The following OSBPL10 variants were observed in gnomAD, a reference collection of about 807,000 sequenced individuals.
OSBPL10 encodes the protein oxysterol-binding protein-related protein 10.
A neutral mutation model predicts 81.7 loss-of-function variants in OSBPL10; 49 were observed. The ratio of observed to expected loss-of-function variants is 0.60; its 90% CI spans 0.48 to 0.76. OSBPL10 has a LOEUF of 0.76. Among genes scored for constraint, OSBPL10 ranks in the 30% least tolerant of loss-of-function variants. The pLI, the probability that OSBPL10 is intolerant of heterozygous loss-of-function variation, is 0.00. For synonymous variants in OSBPL10, 419 were observed against 383.6 expected, an observed-to-expected ratio of 1.09 and a Z score of -1.08; for missense variants, 923 against 987.8, an observed-to-expected ratio of 0.93 and a Z score of 0.88.
chr3:31,760,055 C>A (rs1697988608), intron 4 of OSBPL10, among the ~76,000 whole-genome samples: 1 of 152,114 alleles, frequency 6.6e-6, no homozygotes, highest in African/African-American at 2.4e-5. Flanking sequence ...AGCCACCATG[C>A]CCGGCCAAGA....
intron 7 of OSBPL10, among the ~76,000 whole-genome samples, chr3:31,688,279 T>TCC (rs879415490): frequency 1.3e-5 from 1 of 77,780 alleles, no homozygotes; most frequent in Non-Finnish European, 3.3e-5. Flanking sequence ...TCTCTCTCTC[T>TCC]CTCTCACACA....
intron 2 of OSBPL10, among the ~76,000 whole-genome samples, chr3:32,004,418 C>T (rs1455374516): frequency 6.6e-6 from 1 of 152,222 alleles, no homozygotes; most frequent in East Asian, 1.9e-4. Context: ...TGTCACCTGA[C>T]TCCCTTGCCC....
intron 5 of OSBPL10, among the ~76,000 whole-genome samples, chr3:31,737,720 A>G (rs1697225456): frequency 6.6e-6 from 1 of 152,186 alleles, no homozygotes; most frequent in Non-Finnish European, 1.5e-5. Context: ...AGCTGGGTGC[A>G]GTGGCTCATT....
intron 1 of OSBPL10, among the ~76,000 whole-genome samples, chr3:31,956,631 G>A (rs1698015201): frequency 6.6e-6 from 1 of 152,140 alleles, no homozygotes; most frequent in East Asian, 1.9e-4. Context: ...AGGAGACTGA[G>A]GCAGGAGAAT....
At chr3:31,905,154 T>C (rs1696366188) in intron 1 of OSBPL10, among the ~76,000 whole-genome samples, 1 of 152,130 alleles carries the variant, frequency 6.6e-6, no homozygotes, top group African/African-American at 2.4e-5. Flanking sequence ...CCAATTACTC[T>C]GAACAAAATC....
At chr3:31,997,865 G>A (rs1167116888) in intron 2 of OSBPL10, among the ~76,000 whole-genome samples, 1 of 152,080 alleles carries the variant, frequency 6.6e-6, no homozygotes, top group Non-Finnish European at 1.5e-5. Flanking sequence ...CCAACTCATG[G>A]CAGCCTCGAC....
At chr3:31,799,409 GAAGA>G (rs1196247969) in intron 4 of OSBPL10, among the ~76,000 whole-genome samples, 10 of 115,384 alleles carry the variant, frequency 8.7e-5, no homozygotes, top group Non-Finnish European at 1.1e-4. Flanking sequence ...AAAAAAAATG[GAAGA>G]AAGAAAGAAC....
chr3:32,031,577 T>C (rs1487963899), intron 2 of OSBPL10, among the ~76,000 whole-genome samples: 1 of 152,102 alleles, frequency 6.6e-6, no homozygotes, highest in Non-Finnish European at 1.5e-5. Context: ...TTCTCCTGCC[T>C]CAGCCTCCCA....
chr3:32,031,041 G>C (rs1387583741), intron 2 of OSBPL10, among the ~76,000 whole-genome samples: 1 of 151,922 alleles, frequency 6.6e-6, no homozygotes, highest in Non-Finnish European at 1.5e-5. Flanking sequence ...TGTGGCAGGT[G>C]CCTGTAATCC....
intron 4 of OSBPL10, among the ~76,000 whole-genome samples, chr3:31,792,738 A>AGTGTGT (rs1491324366): frequency 9.5e-6 from 1 of 104,892 alleles, no homozygotes; most frequent in South Asian, 3.3e-4. Flanking sequence ...ATCCAGACAC[A>AGTGTGT]GAGTGTGTGT....
chr3:31,752,819 T>C (rs1359613792), intron 4 of OSBPL10, among the ~76,000 whole-genome samples: 2 of 152,202 alleles, frequency 1.3e-5, no homozygotes, highest in African/African-American at 4.8e-5. Flanking sequence ...CCAATCCTGA[T>C]GGGTCAGGTG....
Position 31,820,526 on chromosome 3 carries a change from C to T in OSBPL10, c.729+9514G>A, listed in dbSNP as rs544042050. Reference sequence around the variant, plus strand: ...AGAAGAATCGCTTAAATCCGGGAGGCGGAGGTTGCAGTGAGCCGAGATCAC... The same window carrying T: ...AGAAGAATCGCTTAAATCCGGGAGGTGGAGGTTGCAGTGAGCCGAGATCAC... On this transcript the variant is annotated intron_variant, in intron 4 of 11. Coordinates refer to ENST00000396556, the MANE Select transcript of OSBPL10 (RefSeq NM_017784.5). Among the ~76,000 whole-genome samples, 269 of 151,282 alleles carry T rather than the reference C, an allele frequency of 1.8e-3. 1 individual carries two copies. Among genetic ancestry groups the T allele is most frequent in the African/African-American group, 6.1e-3 (251 of 41,170 alleles).
chr3:31,715,788 C>A (rs765975349), intron 6 of OSBPL10, among the ~76,000 whole-genome samples: 2 of 152,194 alleles, frequency 1.3e-5, no homozygotes, highest in Admixed American at 1.3e-4. Flanking sequence ...CAGTTGAAAT[C>A]ATTATTGACT....
intron 4 of OSBPL10, among the ~76,000 whole-genome samples, chr3:31,752,203 A>G (rs1697743762): frequency 6.6e-6 from 1 of 152,214 alleles, no homozygotes; most frequent in African/African-American, 2.4e-5. Context: ...CCTTTAAGAA[A>G]ATGTTGAACC....
At chr3:31,959,702 C>A (rs9847964) in intron 1 of OSBPL10, among the ~76,000 whole-genome samples, 1 of 151,972 alleles carries the variant, frequency 6.6e-6, no homozygotes, top group Non-Finnish European at 1.5e-5. Flanking sequence ...GAAGCATATT[C>A]TGTTTCTTGT....
intron 1 of OSBPL10, among the ~76,000 whole-genome samples, chr3:32,067,883 C>T (rs1484264362): frequency 3.3e-5 from 5 of 152,170 alleles, no homozygotes; most frequent in Admixed American, 2.6e-4. Flanking sequence ...TCTTGTTGCT[C>T]ACACAAAGCC....
intron 4 of OSBPL10, among the ~76,000 whole-genome samples, chr3:31,769,701 C>T (rs185492739): frequency 3.5e-4 from 53 of 151,824 alleles, no homozygotes; most frequent in Middle Eastern, 3.4e-3. Context: ...AAGATGGAGA[C>T]GCCATATAGG....
intron 7 of OSBPL10, among the ~76,000 whole-genome samples, chr3:31,690,356 G>A (rs1695497243): frequency 6.6e-6 from 1 of 152,084 alleles, no homozygotes; most frequent in Admixed American, 6.5e-5. Flanking sequence ...GGCCTCCCCA[G>A]AACTTGTACA....
At chr3:31,934,082 A>C (rs1273410369) in intron 1 of OSBPL10, among the ~76,000 whole-genome samples, 1 of 151,720 alleles carries the variant, frequency 6.6e-6, no homozygotes, top group African/African-American at 2.4e-5. Flanking sequence ...TGTTTAAAAA[A>C]AAAAAAACAA....
Sources: gnomAD v4.1 joint callset for allele counts (sites outside exome capture counted in the v4.1 genomes callset) on GRCh38, gnomAD v4.1.1 for gene constraint, MANE v1.5 for transcripts, NCBI Gene and HGNC (gene_info 2026-07-23, HGNC 2026-07-21) for gene names.